The following HELZ variants were observed in gnomAD, a reference collection of about 807,000 sequenced individuals.
The protein encoded by HELZ is ATP-dependent RNA helicase with zinc finger domain.
A neutral mutation model predicts 218.2 loss-of-function variants in HELZ; 23 were observed. The ratio of observed to expected loss-of-function variants is 0.11; its 90% CI spans 0.08 to 0.15. The LOEUF (loss-of-function observed/expected upper bound fraction) is 0.15, where lower values mean the gene tolerates loss of function less well. Among genes scored for constraint, HELZ ranks in the 10% least tolerant of loss-of-function variants. HELZ has a pLI of 1.00. For missense variants in HELZ, 1,813 were observed against 2,353.7 expected, an observed-to-expected ratio of 0.77 and a Z score of 4.75; for synonymous variants, 814 against 829.4, an observed-to-expected ratio of 0.98 and a Z score of 0.32.
At position 67,160,911 on chromosome 17, in the gene HELZ, C is replaced by T. The variant is rs781087638; in HGVS notation, c.2061G>A (p.Gln687=). The T allele has an allele frequency of 5.0e-6, 8 of 1,604,862 alleles. No individual in the cohort carries two copies. The South Asian group carries it at 7.8e-5, about 16-fold the overall frequency. ...TLAQAVKHIL[Q]QQETRILICT... ...CACCCTCTCACCTAGTCTCCTGTTGCTGCAGAATATGTTTGACAGCCTGAG... is the reference window on the plus strand; with the variant it reads ...CACCCTCTCACCTAGTCTCCTGTTGTTGCAGAATATGTTTGACAGCCTGAG... The change falls in exon 16 of 33, where the codon CAG becomes CAA. Residue 687 remains glutamine (Q), a synonymous_variant. Transcript: ENST00000358691.
intron 3 of HELZ, among the ~76,000 whole-genome samples, chr17:67,223,730 C>A (rs935464817): frequency 6.6e-6 from 1 of 151,948 alleles, no homozygotes; most frequent in Non-Finnish European, 1.5e-5. Flanking sequence ...CCAGCCTGGG[C>A]GACAGAGCAA....
At position 67,188,602 on chromosome 17, in the gene HELZ, C is replaced by T; in HGVS notation, c.879G>A (p.Leu293=). Residue 293 remains leucine (L), a synonymous_variant, in exon 12 of 33, where the codon CTG becomes CTA. Coordinates refer to ENST00000358691, the MANE Select transcript of HELZ (RefSeq NM_014877.4). The surrounding 1 kb of genome is among the most constrained non-coding windows in gnomAD (Gnocchi z 4.1). ...FALTCKPARM[L]YRVALLYDAH... ...CATCATAAAGCAATGCTACACGATA[C>T]AGCATTCTTGCAGGCTACAAGGAAG... is the stretch of plus-strand genomic sequence containing the variant. 6.2e-7 allele frequency: 1 copy of T among 1,612,662 alleles called. No homozygotes were observed. The highest frequency in any genetic ancestry group is 8.5e-7 in the Non-Finnish European group (1 of 1,178,890).
Position 67,101,710 on chromosome 17 carries a change from G to A in HELZ, c.5241+5459C>T, listed in dbSNP as rs111927581. Among the ~76,000 whole-genome samples the A allele has an allele frequency of 6.3e-3, 954 of 152,238 alleles. 8 individuals are homozygous for A. Among genetic ancestry groups the A allele is most frequent in the African/African-American group, 0.021 (865 of 41,544 alleles). On this transcript the variant is annotated intron_variant, in intron 31 of 32. Transcript: ENST00000358691. ...GTTGTTTCTCTCTGCATTTCATTTT[G>A]CACTACCCCCACCCCTCGGAGCAAG...
chr17:67,071,078 A>C lies in HELZ; in HGVS notation c.*7174T>G, dbSNP rs570167347. 1 of 152,324 alleles carries C rather than the reference A, an allele frequency of 6.6e-6. No homozygotes were observed. The highest frequency in any genetic ancestry group is 1.5e-5 in the Non-Finnish European group (1 of 68,036). The allele number at this position is 152,324 out of a possible 1,614,324, so 9.4% of individuals were successfully genotyped here. On this transcript the variant is annotated 3_prime_UTR_variant, in exon 33 of 33. Transcript: ENST00000358691. Reference sequence around the variant, plus strand: ...TTAGAAGAGAAGTATTTTAATCACCATATTTACCTAGGATACAACTACTAC... The same window carrying C: ...TTAGAAGAGAAGTATTTTAATCACCCTATTTACCTAGGATACAACTACTAC...
intron 31 of HELZ, among the ~76,000 whole-genome samples, chr17:67,099,117 T>C (rs1381127308): frequency 1.3e-5 from 2 of 152,212 alleles, no homozygotes; most frequent in African/African-American, 4.8e-5. Flanking sequence ...TTCCTTTCTG[T>C]TCTCATTTCT....
chr17:67,109,401 C>T lies in HELZ; in HGVS notation c.4204G>A (p.Val1402Ile). The T allele has an allele frequency of 6.2e-7, 1 of 1,614,174 alleles. No homozygotes were observed. Residue 1402 changes from valine to isoleucine, a missense_variant, in exon 29 of 33, where the codon GTC becomes ATC. Coordinates refer to ENST00000358691, the MANE Select transcript of HELZ (RefSeq NM_014877.4). Reference protein sequence around the residue: ...NQIPPQPNQVVQQQSQLNQQP... With the variant: ...NQIPPQPNQVIQQQSQLNQQP... ...TGATTCAACTGACTTTGCTGCTGGA[C>T]TACCTGATTTGGCTGAGGTGGTATC...
chr17:67,086,791 G>A, intron 32 of HELZ, 38 bp downstream of exon 32: 1 of 1,607,062 alleles, frequency 6.2e-7, no homozygotes, highest in South Asian at 1.1e-5. Context: ...CGGGAGCTGA[G>A]GAGTACAGAT....
At chr17:67,244,844 G>A (rs894012516) in intron 1 of HELZ, 38 of 985,414 alleles carry the variant, frequency 3.9e-5, no homozygotes, top group South Asian at 9.4e-5. Flanking sequence ...GAAACCTCCC[G>A]CAGGCTCCCG....
At chr17:67,185,601 A>C (rs2039732613) in intron 12 of HELZ, among the ~76,000 whole-genome samples, 1 of 152,188 alleles carries the variant, frequency 6.6e-6, no homozygotes, top group Non-Finnish European at 1.5e-5. Context: ...ACCTAGATCT[A>C]AGTTTTCCTT....
intron 13 of HELZ, among the ~76,000 whole-genome samples, chr17:67,168,539 A>G (rs2099698342): frequency 6.6e-6 from 1 of 152,238 alleles, no homozygotes; most frequent in Admixed American, 6.5e-5. Flanking sequence ...CTTTAAACCA[A>G]TTACTTTCCA....
intron 7 of HELZ, among the ~76,000 whole-genome samples, chr17:67,196,620 GGATGGGAA>G (rs2040038671): frequency 3.3e-5 from 5 of 149,884 alleles, no homozygotes; most frequent in Admixed American, 1.3e-4. Context: ...ATGGGTGGGT[GGATGGGAA>G]CATGGGTGGG....
In HELZ at chr17:67,151,037, T is replaced by TG; in HGVS notation, c.2356+8_2356+9insC. On this transcript the variant is annotated intron_variant, in intron 18 of 32. Coordinates refer to ENST00000358691, the MANE Select transcript of HELZ (RefSeq NM_014877.4). The stretch of plus-strand genomic sequence containing the variant: ...TAAACTTGTGAGACTGTGTCTTGAG[T>TG]CAGCATACCAGGTTCAAGGTCCAAC... 6.2e-7 allele frequency: 1 copy of TG among 1,611,800 alleles called. No individual in the cohort carries two copies. Among genetic ancestry groups the TG allele is most frequent in the Non-Finnish European group, 8.5e-7 (1 of 1,178,312 alleles).
rs201228281 is a variant in HELZ, at chr17:67,130,899, T to C, written c.3183-2044A>G. 4.5e-3 allele frequency among the ~76,000 whole-genome samples: 679 copies of C among 152,304 alleles called. 30 individuals are homozygous for C. The East Asian group carries it at 0.096, about 22-fold the overall frequency. On this transcript the variant is annotated intron_variant, in intron 23 of 32. Coordinates refer to ENST00000358691, the MANE Select transcript of HELZ (RefSeq NM_014877.4). ...CTGTCTAGTTCAGTTATTTGTTTTTTCAGAGACAGGGTTGTGCTGTCACTC... is the reference window on the plus strand; with the variant it reads ...CTGTCTAGTTCAGTTATTTGTTTTTCCAGAGACAGGGTTGTGCTGTCACTC...
chr17:67,159,503 A>G (rs1051438896), intron 17 of HELZ, among the ~76,000 whole-genome samples: 1 of 152,204 alleles, frequency 6.6e-6, no homozygotes, highest in Non-Finnish European at 1.5e-5. Context: ...TAATTTATAA[A>G]CAATTGTATT....
At chr17:67,245,619 G>A (rs1168794944), upstream of HELZ, 2 of 760,250 alleles carry the variant, frequency 2.6e-6, no homozygotes, top group Non-Finnish European at 3.2e-6. Flanking sequence ...CTTCCAGGAA[G>A]CCCGCGAGCG....
intron 3 of HELZ, among the ~76,000 whole-genome samples, chr17:67,226,203 G>A (rs972926641): frequency 3.4e-5 from 5 of 148,130 alleles, no homozygotes; most frequent in Non-Finnish European, 7.4e-5. Context: ...AGGTTGCAGT[G>A]AGCCGAGATC....
At chr17:67,245,909 TCCA>T (rs2041470241), upstream of HELZ, 2 of 152,048 alleles carry the variant, frequency 1.3e-5, no homozygotes, top group Admixed American at 1.3e-4. Flanking sequence ...GGAATGTGGC[TCCA>T]GGCTCCGCGG....
chr17:67,190,397 G>A lies in HELZ; in HGVS notation c.558-42C>T, dbSNP rs1202399625. The A allele has an allele frequency of 3.4e-6, 5 of 1,476,778 alleles. No individual in the cohort carries two copies. In the South Asian group the frequency reaches 5.9e-5, roughly 17 times the overall value. The allele number at this position is 1,476,778 out of a possible 1,614,324, so 91.5% of individuals were successfully genotyped here. On this transcript the variant is annotated intron_variant, in intron 9 of 32. Transcript: ENST00000358691. The stretch of plus-strand genomic sequence containing the variant: ...AGACTGTTTTATCATATACTTTGTT[G>A]AACCATTTAAAAATAAACTCCCAGC...
At chr17:67,218,921 A>G in intron 3 of HELZ, 99 bp from the exon 4 acceptor site, 1 of 781,556 alleles carries the variant, frequency 1.3e-6, no homozygotes, top group Non-Finnish European at 2.1e-6. Context: ...ATCTATCTGA[A>G]TACTCTCAGC....
Sources: gnomAD v4.1 joint callset for allele counts (sites outside exome capture counted in the v4.1 genomes callset) on GRCh38, gnomAD v4.1.1 for gene constraint, Gnocchi (gnomAD v3.1) non-coding constraint, MANE v1.5 for transcripts, NCBI Gene and HGNC (gene_info 2026-07-23, HGNC 2026-07-21) for gene names.